IQCE: variants seen among roughly 807,000 people sequenced by gnomAD.
The protein encoded by IQCE is IQ motif containing E, also known as IQ domain-containing protein E.
In IQCE, 115 loss-of-function variants were observed where a neutral mutation model predicts 96.0. The ratio of observed to expected loss-of-function variants is 1.20; its 90% CI spans 1.03 to 1.40. The LOEUF (loss-of-function observed/expected upper bound fraction) is 1.40. Among genes scored for constraint, IQCE ranks in the 40% most tolerant of loss-of-function variants. The pLI is 0.00. For missense variants in IQCE, 1,041 were observed against 909.1 expected, an observed-to-expected ratio of 1.15 and a Z score of -1.87; for synonymous variants, 412 against 371.2, an observed-to-expected ratio of 1.11 and a Z score of -1.26.
intron 21 of IQCE, among the ~76,000 whole-genome samples, chr7:2,608,081 G>A (rs1457039186): frequency 6.6e-6 from 1 of 152,240 alleles, no homozygotes; most frequent in Non-Finnish European, 1.5e-5. Context: ...AGCCCAAAGG[G>A]TGAGGGTGAG....
In IQCE at chr7:2,584,236, G is replaced by A. The variant is rs745846403; in HGVS notation, c.775G>A (p.Val259Met). The A allele has an allele frequency of 6.2e-7, 1 of 1,613,648 alleles. No homozygotes were observed. The highest frequency in any genetic ancestry group is 1.7e-5 in the Admixed American group (1 of 60,034). The stretch of plus-strand genomic sequence containing the variant: ...ATGCATTTCAATTTGGTATTTACAG[G>A]TGCATCGTCTCCAGACCCTCTTGGC... ...RIAMETYYEE[V>M]HRLQTLLASS... The change falls in exon 11 of 22, where the codon GTG becomes ATG. Residue 259 changes from valine to methionine, a missense_variant and splice_region_variant. Coordinates refer to ENST00000402050, the MANE Select transcript of IQCE (RefSeq NM_152558.5).
chr7:2,559,082 G>C lies in IQCE; in HGVS notation c.-100G>C, dbSNP rs1780716889. 1.5e-6 allele frequency: 1 copy of C among 662,348 alleles called. No individual in the cohort carries two copies. The highest frequency in any genetic ancestry group is 7.5e-5 in the South Asian group (1 of 13,318). 41.0% of individuals were successfully genotyped at this position (662,348 alleles called of 1,614,324 possible). A position where few individuals can be genotyped will look rare whatever the true frequency, so the allele number is the denominator to read the frequency against. The stretch of plus-strand genomic sequence containing the variant: ...AGCGGGGTCGCGGGCCGGCGCCAGG[G>C]AAGGCCCCGAGGCTGCGGGCGGCCA... On this transcript the variant is annotated 5_prime_UTR_variant, in exon 1 of 22. Coordinates refer to ENST00000402050, the MANE Select transcript of IQCE (RefSeq NM_152558.5).
intron 17 of IQCE, among the ~76,000 whole-genome samples, chr7:2,600,438 A>T (rs1469403166): frequency 1.3e-5 from 2 of 152,190 alleles, no homozygotes; most frequent in African/African-American, 4.8e-5. Context: ...GGGAGAGTTT[A>T]GCTCCCTGAG....
At chr7:2,574,613 G>GT (rs1781985617) in intron 6 of IQCE, among the ~76,000 whole-genome samples, 1 of 152,170 alleles carries the variant, frequency 6.6e-6, no homozygotes, top group Non-Finnish European at 1.5e-5. Context: ...AGTGTGGATT[G>GT]GGGGGATTAT....
chr7:2,568,799 G>C (rs1216291097), intron 2 of IQCE, among the ~76,000 whole-genome samples, 155 bp from the exon 3 acceptor site: 1 of 152,184 alleles, frequency 6.6e-6, no homozygotes, highest in Non-Finnish European at 1.5e-5. Context: ...ATCGGGCCCT[G>C]CGTGTCCTGT....
chr7:2,579,873 T>G (rs1009195463), intron 8 of IQCE, among the ~76,000 whole-genome samples: 2 of 148,764 alleles, frequency 1.3e-5, no homozygotes, highest in Admixed American at 1.4e-4. Flanking sequence ...CACCTCAACC[T>G]CCTGAGTACC....
chr7:2,582,288 C>A (rs917011394), intron 8 of IQCE, among the ~76,000 whole-genome samples: 13 of 152,194 alleles, frequency 8.5e-5, no homozygotes, highest in African/African-American at 3.1e-4. Context: ...TGCTCTGTCC[C>A]CCAGGTGTGC....
In IQCE at chr7:2,605,001, G is replaced by A; in HGVS notation, c.1743+10G>A. On this transcript the variant is annotated intron_variant, in intron 19 of 21. Transcript: ENST00000402050. ...AGGCCTCCCAGACCAGGTAATGTCG[G>A]GGTGCTGGACGTCCCAGTGGCCATC... is the stretch of plus-strand genomic sequence containing the variant. 1 of 1,597,204 alleles carries A rather than the reference G, an allele frequency of 6.3e-7. No homozygotes were observed. The highest frequency in any genetic ancestry group is 8.6e-7 in the Non-Finnish European group (1 of 1,165,600).
rs765076819 is a variant in IQCE at position 2,586,237 on chromosome 7, A to C, written c.854A>C (p.Lys285Thr). ...KPLGEKKTGA[K>T]RQKKMGSALL... ...CTGGGGGAGAAGAAGACGGGCGCCA[A>C]AAGGCAGAAGAAGATGGGCAGTGCC... Residue 285 changes from lysine to threonine, a missense_variant, in exon 12 of 22, where the codon AAA becomes ACA. Lys to Thr is a moderately conservative substitution (Grantham distance 78). Coordinates refer to ENST00000402050, the MANE Select transcript of IQCE (RefSeq NM_152558.5). 1 of 1,613,944 alleles carries C rather than the reference A, an allele frequency of 6.2e-7. No individual in the cohort carries two copies. The highest frequency in any genetic ancestry group is 8.5e-7 in the Non-Finnish European group (1 of 1,179,950).
Position 2,611,402 on chromosome 7 carries a change from C to T in IQCE, c.*1240C>T, listed in dbSNP as rs1785100374. On this transcript the variant is annotated 3_prime_UTR_variant, in exon 22 of 22. Transcript: ENST00000402050. The stretch of plus-strand genomic sequence containing the variant: ...GCTGGCCGCTGTCTCAGGAGAGACC[C>T]AATGGTTAGAAAGCCCCTTTTTACA... The T allele has an allele frequency of 6.6e-6, 1 of 152,332 alleles. No individual in the cohort carries two copies. The highest frequency in any genetic ancestry group is 2.4e-5 in the African/African-American group (1 of 41,454). 9.4% of individuals were successfully genotyped at this position (152,332 alleles called of 1,614,324 possible).
chr7:2,577,586 G>T (rs1333967454), intron 6 of IQCE, among the ~76,000 whole-genome samples: 5 of 133,764 alleles, frequency 3.7e-5, no homozygotes, highest in African/African-American at 1.5e-4. Flanking sequence ...CGGCGTGCCC[G>T]CATTGGCGTG....
intron 1 of IQCE, among the ~76,000 whole-genome samples, chr7:2,563,614 A>T (rs1311453488): frequency 1.3e-5 from 2 of 152,078 alleles, no homozygotes. Context: ...TGCTTTAGGT[A>T]CATCCCATAA....
chr7:2,565,777 C>G (rs1781326248), intron 1 of IQCE, among the ~76,000 whole-genome samples: 1 of 152,142 alleles, frequency 6.6e-6, no homozygotes, highest in Non-Finnish European at 1.5e-5. Context: ...TAAAAGGTCA[C>G]CTTAAATAGG....
Position 2,598,587 on chromosome 7 carries a change from C to T in IQCE, c.1563C>T (p.Ala521=), listed in dbSNP as rs370395004. The T allele has an allele frequency of 2.5e-5, 40 of 1,601,836 alleles. No individual in the cohort carries two copies. The highest frequency in any genetic ancestry group is 6.7e-5 in the African/African-American group (5 of 74,258). Reference sequence around the variant, plus strand: ...CCTGCTCTGATGGGAGAAGAGACGCCGCGGCCAGAGTCCTGCAGGCCCAGT... The same window carrying T: ...CCTGCTCTGATGGGAGAAGAGACGCTGCGGCCAGAGTCCTGCAGGCCCAGT... ...RSPCSDGRRD[A]AARVLQAQWK... Residue 521 remains alanine, a synonymous_variant, in exon 17 of 22, where the codon GCC becomes GCT. Coordinates refer to ENST00000402050, the MANE Select transcript of IQCE (RefSeq NM_152558.5).
intron 11 of IQCE, chr7:2,584,570 C>T (rs1368437928): frequency 2.5e-6 from 1 of 404,184 alleles, no homozygotes; most frequent in Non-Finnish European, 4.5e-6. Context: ...CTAGAAAGTG[C>T]TGTTTCAAAG....
Position 2,566,684 on chromosome 7 carries a change from G to T in IQCE, c.37-432G>T, listed in dbSNP as rs774523003. ...GACAGTGTCTCACCATGTTGCCCAG[G>T]CCGAGTTTGCTTTTTAAAAGATGAC... On this transcript the variant is annotated intron_variant, in intron 1 of 21. Transcript: ENST00000402050. 12 of 179,352 alleles carry T rather than the reference G, an allele frequency of 6.7e-5. No homozygotes were observed. The South Asian group carries it at 7.6e-4, about 11-fold the overall frequency. The allele number at this position is 179,352 out of a possible 1,614,324, so 11.1% of individuals were successfully genotyped here. A position where few individuals can be genotyped will look rare whatever the true frequency, so the allele number is the denominator to read the frequency against.
At chr7:2,605,017 A>G (rs1784694993) in intron 19 of IQCE, 26 bp downstream of exon 19, 2 of 1,502,618 alleles carry the variant, frequency 1.3e-6, no homozygotes, top group Non-Finnish European at 1.9e-6. Flanking sequence ...TGGACGTCCC[A>G]GTGGCCATCT....
intron 1 of IQCE, chr7:2,559,457 G>A (rs1450043764): frequency 1.8e-5 from 5 of 271,110 alleles, no homozygotes; most frequent in Non-Finnish European, 3.4e-5. Flanking sequence ...AGCTCTCCGG[G>A]ACGCCGCGCC....
chr7:2,586,744 C>T (rs1302925702), intron 12 of IQCE, among the ~76,000 whole-genome samples: 4 of 152,146 alleles, frequency 2.6e-5, no homozygotes, highest in Admixed American at 6.5e-5. Flanking sequence ...ACCCCCAAGA[C>T]GGTGACAGCT....
Sources: allele counts gnomAD v4.1 joint callset (sites outside exome capture counted in the v4.1 genomes callset), GRCh38; gene constraint gnomAD v4.1.1; transcripts MANE v1.5; gene names NCBI Gene and HGNC (gene_info 2026-07-23, HGNC 2026-07-21).